Variants in BCL2L13 observed in about 807,000 individuals in gnomAD.
BCL2L13 encodes the protein bcl-2-like protein 13.
A neutral mutation model predicts 25.8 loss-of-function variants in BCL2L13; 13 were observed. The observed-to-expected ratio is 0.50, with a 90% CI of 0.33 to 0.80. The LOEUF is 0.80. Ranked by LOEUF, BCL2L13 falls within the 30% of genes least tolerant of loss-of-function variation. The probability of loss-of-function intolerance (pLI) is 0.02; values close to 1 mark genes in which losing one functional copy is unlikely to be tolerated. For missense variants in BCL2L13, 504 were observed against 574.9 expected (o/e 0.88, Z 1.26); for synonymous variants, 244 against 230.3 (o/e 1.06, Z -0.54).
At position 17,730,559 on chromosome 22, in the gene BCL2L13, C is replaced by T. The variant is rs2061381871; in HGVS notation, c.*3025C>T. The T allele has an allele frequency of 6.6e-6, 1 of 152,162 alleles. No individual in the cohort carries two copies. The highest frequency in any genetic ancestry group is 6.5e-5 in the Admixed American group (1 of 15,274). 9.4% of individuals were successfully genotyped at this position (152,162 alleles called of 1,614,324 possible). On this transcript the variant is annotated 3_prime_UTR_variant, in exon 7 of 7. Transcript: ENST00000317582. ...TCTCCTGAAAGGTATGAGATGTGGA[C>T]ATTTCAGTGTTTGAATTATTTTAAG... is the stretch of plus-strand genomic sequence containing the variant.
At chr22:17,689,446 C>G (rs2060038949) in intron 4 of BCL2L13, among the ~76,000 whole-genome samples, 1 of 152,200 alleles carries the variant, frequency 6.6e-6, no homozygotes, top group Admixed American at 6.5e-5. Context: ...CCCCAGACCA[C>G]TTTTTACTGC....
chr22:17,721,116 G>A (rs1037036254), intron 6 of BCL2L13, among the ~76,000 whole-genome samples: 2 of 151,960 alleles, frequency 1.3e-5, no homozygotes. Context: ...CTTACAGTGA[G>A]CCGAGATCGT....
Position 17,639,395 on chromosome 22 carries a change from GA to G in BCL2L13, c.-51+516del, listed in dbSNP as rs1398518053. 3.9e-5 allele frequency among the ~76,000 whole-genome samples: 6 copies of G among 152,162 alleles called. No homozygotes were observed. The South Asian group carries it at 8.3e-4, about 21-fold the overall frequency. On this transcript the variant is annotated intron_variant, in intron 1 of 6. Coordinates refer to ENST00000317582, the MANE Select transcript of BCL2L13 (RefSeq NM_015367.4). ...TGCTGTTCTGACACCTATTTTTTCA[GA>G]AAAAAACTGCCTTCTTGCCCTTGGA...
At chr22:17,642,338 T>C (rs1271650925) in intron 1 of BCL2L13, among the ~76,000 whole-genome samples, 1 of 151,958 alleles carries the variant, frequency 6.6e-6, no homozygotes, top group East Asian at 1.9e-4. Context: ...TTTGTATTTT[T>C]AGTAGAGACG....
chr22:17,643,982 C>T (rs1487049328), intron 1 of BCL2L13, among the ~76,000 whole-genome samples: 3 of 151,342 alleles, frequency 2.0e-5, no homozygotes, highest in Non-Finnish European at 4.4e-5. Context: ...AATCTCGGCT[C>T]ACTGCAAACT....
intron 2 of BCL2L13, among the ~76,000 whole-genome samples, chr22:17,662,405 G>A (rs2059100661): frequency 6.6e-6 from 1 of 152,192 alleles, no homozygotes; most frequent in African/African-American, 2.4e-5. Flanking sequence ...GTGAACCCGG[G>A]AGGCAGAGGT....
intron 3 of BCL2L13, among the ~76,000 whole-genome samples, chr22:17,685,853 G>C (rs2145599011): frequency 8.1e-6 from 1 of 124,218 alleles, no homozygotes; most frequent in Non-Finnish European, 1.6e-5. Flanking sequence ...CTCACTGCAA[G>C]CTCCGCCTCC....
At chr22:17,702,457 G>C in intron 6 of BCL2L13, 71 bp downstream of exon 6, 1 of 1,376,468 alleles carries the variant, frequency 7.3e-7, no homozygotes, top group East Asian at 2.8e-5. Flanking sequence ...TTAAGAGATG[G>C]GTTCTTGCTG....
At chr22:17,723,490 A>C (rs550318103) in intron 6 of BCL2L13, among the ~76,000 whole-genome samples, 359 of 152,290 alleles carry the variant, frequency 2.4e-3, no homozygotes, top group African/African-American at 8.3e-3. Context: ...TTATTGTCCC[A>C]TCCAGTTGGT....
chr22:17,683,444 T>C (rs1162009105), intron 3 of BCL2L13, 123 bp downstream of exon 3: 1 of 588,234 alleles, frequency 1.7e-6, no homozygotes, highest in Non-Finnish European at 3.0e-6. Context: ...CAATTATACA[T>C]TGGTAGAAGT....
intron 1 of BCL2L13, among the ~76,000 whole-genome samples, chr22:17,642,003 G>C (rs890665133): frequency 1.3e-5 from 2 of 151,548 alleles, no homozygotes; most frequent in Non-Finnish European, 2.9e-5. Flanking sequence ...GTTTCACTGT[G>C]TTAGCCAGGA....
At chr22:17,632,751 T>A (rs1365301930) in intron 1 of BCL2L13, among the ~76,000 whole-genome samples, 3 of 147,916 alleles carry the variant, frequency 2.0e-5, no homozygotes, top group Non-Finnish European at 4.5e-5. Flanking sequence ...TGATTCTTCT[T>A]CTTTTTTTTT....
intron 6 of BCL2L13, among the ~76,000 whole-genome samples, chr22:17,709,096 C>T (rs551903900): frequency 1.3e-4 from 19 of 151,912 alleles, no homozygotes; most frequent in Non-Finnish European, 1.6e-4. Context: ...ATTAGCTGGG[C>T]GTGGTGGCAG....
chr22:17,697,993 C>G (rs1356092850), intron 5 of BCL2L13, among the ~76,000 whole-genome samples: 1 of 151,860 alleles, frequency 6.6e-6, no homozygotes, highest in Middle Eastern at 3.4e-3. Context: ...TTTTTGTATT[C>G]TTAGTAGAGA....
upstream of BCL2L13, among the ~76,000 whole-genome samples, chr22:17,635,715 C>CT (rs1299003270): frequency 0.031 from 4,423 of 144,344 alleles, 84 homozygotes; most frequent in Non-Finnish European, 0.044. Context: ...CAAAAACAAT[C>CT]TTTTTTTTTT....
intron 2 of BCL2L13, among the ~76,000 whole-genome samples, chr22:17,665,168 C>T (rs111713342): frequency 1.3e-5 from 2 of 152,190 alleles, no homozygotes; most frequent in African/African-American, 4.8e-5. Flanking sequence ...TGCCAGATAC[C>T]CTAAATCATC....
intron 6 of BCL2L13, among the ~76,000 whole-genome samples, chr22:17,706,322 C>T (rs1479826976): frequency 1.3e-5 from 2 of 151,234 alleles, no homozygotes; most frequent in Admixed American, 1.3e-4. Context: ...TTTTCTCTTT[C>T]TACCTTGTTT....
intron 1 of BCL2L13, among the ~76,000 whole-genome samples, chr22:17,643,660 C>G (rs1164828296): frequency 2.0e-5 from 3 of 152,150 alleles, no homozygotes; most frequent in Admixed American, 2.0e-4. Context: ...TGGAGTCTCA[C>G]TCTGTCGCCC....
intron 5 of BCL2L13, among the ~76,000 whole-genome samples, chr22:17,698,904 GTC>G (rs1470310793): frequency 2.0e-5 from 3 of 152,118 alleles, no homozygotes; most frequent in African/African-American, 7.2e-5. Flanking sequence ...TGTGATTGAA[GTC>G]TCTTTTAATA....
Sources: gnomAD v4.1 joint callset for allele counts (sites outside exome capture counted in the v4.1 genomes callset) on GRCh38, gnomAD v4.1.1 for gene constraint, MANE v1.5 for transcripts, NCBI Gene and HGNC (gene_info 2026-07-23, HGNC 2026-07-21) for gene names.